Variants in LHFPL3 observed in about 807,000 individuals in gnomAD.
LHFPL3 encodes LHFPL tetraspan subfamily member 3 protein.
In LHFPL3, 5 loss-of-function variants were observed where a neutral mutation model predicts 19.3. That is an observed-to-expected ratio of 0.26 (90% confidence interval 0.14 to 0.54). The LOEUF (loss-of-function observed/expected upper bound fraction) is 0.54. LHFPL3 is among the 20% of genes least tolerant of loss of function. The pLI is 0.94. For missense variants in LHFPL3, 249 were observed against 307.4 expected (o/e 0.81, Z 1.42); for synonymous variants, 133 against 126.2 (o/e 1.05, Z -0.36).
At chr7:104,721,844 A>C (rs1347210098) in intron 1 of LHFPL3, among the ~76,000 whole-genome samples, 1 of 152,202 alleles carries the variant, frequency 6.6e-6, no homozygotes, top group East Asian at 1.9e-4. Context: ...TGATGCCTGT[A>C]AAGTGTGCCC....
intron 1 of LHFPL3, among the ~76,000 whole-genome samples, chr7:104,550,624 G>A (rs771740620): frequency 2.0e-5 from 3 of 152,150 alleles, no homozygotes; most frequent in Non-Finnish European, 2.9e-5. Flanking sequence ...GCCATGATGA[G>A]TCACTGGAGT....
intron 1 of LHFPL3, among the ~76,000 whole-genome samples, chr7:104,580,697 C>T (rs1298932358): frequency 2.6e-5 from 4 of 152,018 alleles, no homozygotes; most frequent in African/African-American, 4.8e-5. Flanking sequence ...TCATACTCAT[C>T]GCAGTCAATC....
At chr7:104,487,970 A>G (rs768345459) in intron 1 of LHFPL3, among the ~76,000 whole-genome samples, 2 of 152,136 alleles carry the variant, frequency 1.3e-5, no homozygotes, top group African/African-American at 2.4e-5. Context: ...CCTTCTTGTA[A>G]ATACAGCTTG....
chr7:104,583,293 C>T (rs1486059787), intron 1 of LHFPL3, among the ~76,000 whole-genome samples: 1 of 151,350 alleles, frequency 6.6e-6, no homozygotes, highest in South Asian at 2.1e-4. Flanking sequence ...TTCCTTACAC[C>T]TTATACAAAA....
At chr7:104,718,076 G>A (rs1047138216) in intron 1 of LHFPL3, among the ~76,000 whole-genome samples, 9 of 152,126 alleles carry the variant, frequency 5.9e-5, no homozygotes, top group African/African-American at 2.2e-4. Context: ...AAACACTTCA[G>A]GTATCTATCT....
intron 1 of LHFPL3, among the ~76,000 whole-genome samples, chr7:104,527,099 G>T (rs1213800969): frequency 6.6e-6 from 1 of 152,160 alleles, no homozygotes; most frequent in Non-Finnish European, 1.5e-5. Flanking sequence ...AAGCACAAAG[G>T]CAAAGGCCTT....
At chr7:104,543,001 A>G (rs1264448788) in intron 1 of LHFPL3, among the ~76,000 whole-genome samples, 1 of 152,130 alleles carries the variant, frequency 6.6e-6, no homozygotes, top group East Asian at 1.9e-4. Flanking sequence ...TGTCCATTGC[A>G]GGGACATGGA....
chr7:104,492,169 C>T (rs571900638), intron 1 of LHFPL3, among the ~76,000 whole-genome samples: 5 of 152,152 alleles, frequency 3.3e-5, no homozygotes, highest in South Asian at 2.1e-4. Context: ...GGGTTACTTG[C>T]GTAACAATGC....
intron 1 of LHFPL3, among the ~76,000 whole-genome samples, chr7:104,531,061 G>T (rs1794285946): frequency 6.6e-6 from 1 of 152,214 alleles, no homozygotes; most frequent in Non-Finnish European, 1.5e-5. Context: ...GCCTGGAATA[G>T]TTCCGTTGCA....
At chr7:104,493,849 A>C (rs918119913) in intron 1 of LHFPL3, among the ~76,000 whole-genome samples, 2 of 152,066 alleles carry the variant, frequency 1.3e-5, no homozygotes, top group African/African-American at 4.8e-5. Context: ...CACCTCTGCT[A>C]TCCAATAAGG....
chr7:104,707,931 A>G (rs1230098423), intron 1 of LHFPL3, among the ~76,000 whole-genome samples: 4 of 152,236 alleles, frequency 2.6e-5, no homozygotes, highest in Non-Finnish European at 5.9e-5. Flanking sequence ...CCATTAAATG[A>G]TGCTCAACTA....
At chr7:104,510,276 C>G (rs946208380) in intron 1 of LHFPL3, among the ~76,000 whole-genome samples, 2 of 152,010 alleles carry the variant, frequency 1.3e-5, no homozygotes, top group African/African-American at 4.8e-5. Flanking sequence ...GTAGCTAAAA[C>G]AACTTTGAAA....
At chr7:104,489,636 A>T (rs550394154) in intron 1 of LHFPL3, among the ~76,000 whole-genome samples, 1 of 151,948 alleles carries the variant, frequency 6.6e-6, no homozygotes, top group South Asian at 2.1e-4. Flanking sequence ...CCTTGCCAGG[A>T]GTGAGATCAA....
intron 1 of LHFPL3, among the ~76,000 whole-genome samples, chr7:104,695,834 A>G (rs1166176944): frequency 6.6e-6 from 1 of 152,260 alleles, no homozygotes; most frequent in Non-Finnish European, 1.5e-5. Context: ...CCAAAGCAAT[A>G]GCTGTAGCAG....
At chr7:104,367,180 A>C (rs1790510785) in intron 1 of LHFPL3, among the ~76,000 whole-genome samples, 1 of 152,188 alleles carries the variant, frequency 6.6e-6, no homozygotes, top group Admixed American at 6.5e-5. Context: ...CCAATGATAA[A>C]ACTAAAATAC....
intron 2 of LHFPL3, among the ~76,000 whole-genome samples, chr7:104,832,581 T>TA (rs1562807716): frequency 6.6e-6 from 1 of 151,576 alleles, no homozygotes; most frequent in Non-Finnish European, 1.5e-5. Flanking sequence ...TGCCAGAGCT[T>TA]ACCACCTTGT....
chr7:104,882,874 G>A (rs558203626), intron 2 of LHFPL3, among the ~76,000 whole-genome samples: 155 of 152,238 alleles, frequency 1.0e-3, no homozygotes, highest in South Asian at 2.1e-3. Context: ...ATGGGGGAAG[G>A]GTATGATTTA....
At chr7:104,440,967 A>G (rs1289781656) in intron 1 of LHFPL3, among the ~76,000 whole-genome samples, 1 of 152,170 alleles carries the variant, frequency 6.6e-6, no homozygotes, top group Non-Finnish European at 1.5e-5. Flanking sequence ...CACCACAATC[A>G]AGGTAATAAA....
chr7:104,515,395 A>T (rs192215193), intron 1 of LHFPL3, among the ~76,000 whole-genome samples: 260 of 152,274 alleles, frequency 1.7e-3, no homozygotes, highest in African/African-American at 5.9e-3. Flanking sequence ...ATCTAAAAGA[A>T]CTCATCAGAT....
Sources: allele counts gnomAD v4.1 joint callset (sites outside exome capture counted in the v4.1 genomes callset), GRCh38; gene constraint gnomAD v4.1.1; transcripts MANE v1.5; gene names NCBI Gene and HGNC (gene_info 2026-07-23, HGNC 2026-07-21).